The following ECT2 variants were observed in gnomAD, a reference collection of about 807,000 sequenced individuals.
ECT2 encodes epithelial cell transforming 2, also known as protein ECT2.
A neutral mutation model predicts 116.9 loss-of-function variants in ECT2; 61 were observed. The observed-to-expected ratio is 0.52, with a 90% CI of 0.42 to 0.65. ECT2 has a LOEUF of 0.65. ECT2 is among the 30% of genes least tolerant of loss of function. The pLI is 0.00. For missense variants in ECT2, 937 were observed against 1,078.7 expected (o/e 0.87, Z 1.84); for synonymous variants, 358 against 346.4 (o/e 1.03, Z -0.37).
At chr3:172,824,959 A>G (rs1730807128), downstream of ECT2, among the ~76,000 whole-genome samples, 1 of 152,174 alleles carries the variant, frequency 6.6e-6, no homozygotes, top group Non-Finnish European at 1.5e-5. Flanking sequence ...TTATGGGCAT[A>G]TTTTGTTTTA....
rs1160921385 is a variant in ECT2 at position 172,807,295 on chromosome 3, GTTTTCTACTGTTT to G, written c.2246-465_2246-453del. On this transcript the variant is annotated intron_variant, in intron 21 of 24. Coordinates refer to ENST00000392692, the MANE Select transcript of ECT2 (RefSeq NM_001258315.2). ...TACATTTTCAATACAGATACAATCT[GTTTTCTACTGTTT>G]TTTTCTACTATTTTCGGTCAGCAGT... Among the ~76,000 whole-genome samples, 82 of 152,190 alleles carry G rather than the reference GTTTTCTACTGTTT, an allele frequency of 5.4e-4. 1 individual carries two copies. Among genetic ancestry groups the G allele is most frequent in the East Asian group, 1.9e-4 (1 of 5,176 alleles).
At chr3:172,810,204 G>T (rs1560022062) in intron 22 of ECT2, among the ~76,000 whole-genome samples, 1 of 152,106 alleles carries the variant, frequency 6.6e-6, no homozygotes, top group Non-Finnish European at 1.5e-5. Context: ...CCGAAGTTTG[G>T]TTAGTTTAAA....
chr3:172,758,257 T>A (rs1014018837), intron 5 of ECT2, among the ~76,000 whole-genome samples: 2 of 152,214 alleles, frequency 1.3e-5, no homozygotes, highest in African/African-American at 4.8e-5. Flanking sequence ...TTGCCTTGTT[T>A]ACTTAAAATT....
intron 13 of ECT2, 107 bp from the exon 14 acceptor site, chr3:172,773,796 A>T: frequency 8.7e-7 from 1 of 1,149,634 alleles, no homozygotes; most frequent in Admixed American, 2.8e-5. Flanking sequence ...ATTTTTTATT[A>T]TTACTTCCTT....
intron 14 of ECT2, among the ~76,000 whole-genome samples, chr3:172,775,885 C>T (rs549345438): frequency 2.6e-5 from 4 of 152,164 alleles, no homozygotes; most frequent in Admixed American, 6.5e-5. Flanking sequence ...CCGCCCGCCT[C>T]GACCTCCCAA....
At chr3:172,778,903 C>G (rs2108616252) in intron 14 of ECT2, among the ~76,000 whole-genome samples, 1 of 152,150 alleles carries the variant, frequency 6.6e-6, no homozygotes, top group African/African-American at 2.4e-5. Context: ...CCTAAGACAG[C>G]AATCTTTATT....
chr3:172,777,358 A>G (rs1721934359), intron 14 of ECT2, among the ~76,000 whole-genome samples: 1 of 152,164 alleles, frequency 6.6e-6, no homozygotes, highest in Non-Finnish European at 1.5e-5. Context: ...CTTTCGGTAA[A>G]TGTTTACTAA....
At position 172,768,951 on chromosome 3, in the gene ECT2, A is replaced by T. The variant is rs1720071137; in HGVS notation, c.1292-56A>T. 5 of 1,479,922 alleles carry T rather than the reference A, an allele frequency of 3.4e-6. No homozygotes were observed. In the Admixed American group the frequency reaches 1.1e-4, roughly 31 times the overall value. 91.7% of individuals were successfully genotyped at this position (1,479,922 alleles called of 1,614,324 possible). ...CTTTTTATCTTGTTAAGTCTACATA[A>T]TGTTTGGTATTTATATTTGGCTTCC... On this transcript the variant is annotated intron_variant, in intron 12 of 24. Transcript: ENST00000392692.
At chr3:172,828,967 A>T in the ECT2 span, 2 of 1,315,278 alleles carry the variant, frequency 1.5e-6, no homozygotes, top group Non-Finnish European at 2.2e-6. Context: ...CAGCACCAAT[A>T]AATTGGTTGC....
chr3:172,757,477 A>G (rs531470026), intron 5 of ECT2, among the ~76,000 whole-genome samples: 131 of 137,746 alleles, frequency 9.5e-4, no homozygotes, highest in African/African-American at 3.5e-3. Context: ...GTGCAGTGGC[A>G]CGATCTCAGC....
In ECT2 at chr3:172,820,287, A is replaced by C. The variant is rs1201275887; in HGVS notation, c.*50A>C. 1 of 1,349,126 alleles carries C rather than the reference A, an allele frequency of 7.4e-7. No homozygotes were observed. The highest frequency in any genetic ancestry group is 1.0e-6 in the Non-Finnish European group (1 of 979,508). 83.6% of individuals were successfully genotyped at this position (1,349,126 alleles called of 1,614,324 possible). On this transcript the variant is annotated 3_prime_UTR_variant, in exon 25 of 25. Coordinates refer to ENST00000392692, the MANE Select transcript of ECT2 (RefSeq NM_001258315.2). ...AGAAATGTATAGACACCTCATACTCAAATAAGAAACTGACTTAAATGGTAC... is the reference window on the plus strand; with the variant it reads ...AGAAATGTATAGACACCTCATACTCCAATAAGAAACTGACTTAAATGGTAC...
chr3:172,801,708 ACTTT>A (rs1726753483), intron 18 of ECT2, among the ~76,000 whole-genome samples: 1 of 152,204 alleles, frequency 6.6e-6, no homozygotes, highest in South Asian at 2.1e-4. Flanking sequence ...CAGGGAAGAA[ACTTT>A]CTTTAGGCTA....
chr3:172,797,850 C>CT (rs377200282), intron 18 of ECT2, among the ~76,000 whole-genome samples: 1 of 152,108 alleles, frequency 6.6e-6, no homozygotes, highest in African/African-American at 2.4e-5. Flanking sequence ...AAGGTTAAGG[C>CT]TTTTTTGTTT....
chr3:172,809,442 T>TA (rs2109175655), intron 22 of ECT2, among the ~76,000 whole-genome samples: 2 of 152,208 alleles, frequency 1.3e-5, no homozygotes, highest in African/African-American at 4.8e-5. Context: ...TCTTAAGAAA[T>TA]ACGTTTGTAA....
At position 172,802,953 on chromosome 3, in the gene ECT2, T is replaced by C; in HGVS notation, c.2079T>C (p.Thr693=). 1 of 1,612,528 alleles carries C rather than the reference T, an allele frequency of 6.2e-7. No homozygotes were observed. Among genetic ancestry groups the C allele is most frequent in the Non-Finnish European group, 8.5e-7 (1 of 1,179,290 alleles). Residue 693 remains threonine, a synonymous_variant, in exon 20 of 25, where the codon ACT becomes ACC. Coordinates refer to ENST00000392692, the MANE Select transcript of ECT2 (RefSeq NM_001258315.2). The part of the protein sequence containing the change: ...EHPCDRGEQV[T]LFLFNDCLEI... The stretch of plus-strand genomic sequence containing the variant: ...CCTGTGACAGAGGAGAACAAGTAAC[T>C]CTCTTCCTCTTCAATGATTGCCTAG...
rs760251149 is a variant in ECT2 at position 172,805,791 on chromosome 3, C to G, written c.2167C>G (p.Pro723Ala). ...TFRSPHGQTR[P>A]PASLKHIHLM... is the part of the protein sequence containing the mutation. ...TAGGAGTCCTCATGGCCAAACCCGA[C>G]CCCCAGCTTCTCTTAAGCATATTCA... The change falls in exon 21 of 25, where the codon CCC becomes GCC. Residue 723 changes from proline (P) to alanine (A), a missense_variant. By Grantham distance (27) the Pro-to-Ala change is conservative. Coordinates refer to ENST00000392692, the MANE Select transcript of ECT2 (RefSeq NM_001258315.2). The G allele has an allele frequency of 1.2e-6, 2 of 1,613,758 alleles. No individual in the cohort carries two copies. Among genetic ancestry groups the G allele is most frequent in the Non-Finnish European group, 1.7e-6 (2 of 1,179,840 alleles).
chr3:172,774,866 C>G (rs542481423), intron 14 of ECT2, among the ~76,000 whole-genome samples: 1 of 152,248 alleles, frequency 6.6e-6, no homozygotes, highest in Non-Finnish European at 1.5e-5. Flanking sequence ...TTTATGAAAT[C>G]TATTCTGTAG....
At chr3:172,765,797 A>G (rs1318199833) in intron 12 of ECT2, among the ~76,000 whole-genome samples, 1 of 152,094 alleles carries the variant, frequency 6.6e-6, no homozygotes, top group East Asian at 1.9e-4. Context: ...ATGTGGTATT[A>G]TGCTCTCTAA....
chr3:172,798,961 G>A (rs1312651337), intron 18 of ECT2, among the ~76,000 whole-genome samples: 1 of 152,150 alleles, frequency 6.6e-6, no homozygotes, highest in African/African-American at 2.4e-5. Flanking sequence ...GGCAGACCCA[G>A]GAACCTTAAG....
Sources: gnomAD v4.1 joint callset for allele counts (sites outside exome capture counted in the v4.1 genomes callset) on GRCh38, gnomAD v4.1.1 for gene constraint, MANE v1.5 for transcripts, NCBI Gene and HGNC (gene_info 2026-07-23, HGNC 2026-07-21) for gene names.